Variants in CEACAM7 observed in about 807,000 individuals in gnomAD.
CEACAM7 encodes cell adhesion molecule CEACAM7.
A neutral mutation model predicts 25.7 loss-of-function variants in CEACAM7; 24 were observed. That is an observed-to-expected ratio of 0.93 (90% CI 0.68 to 1.31). The LOEUF is 1.31. Among genes scored for constraint, CEACAM7 ranks in the 40% most tolerant of loss-of-function variants. The pLI is 0.00. For missense variants in CEACAM7, 324 were observed against 330.1 expected (o/e 0.98, Z 0.14); for synonymous variants, 144 against 129.4 (o/e 1.11, Z -0.77).
chr19:41,677,386 G>A lies in CEACAM7; in HGVS notation c.*26C>T, dbSNP rs531156421. 24 of 1,561,226 alleles carry A rather than the reference G, an allele frequency of 1.5e-5. No homozygotes were observed. The highest frequency in any genetic ancestry group is 6.8e-5 in the African/African-American group (5 of 73,858). ...GGTCATAATACCTACCACTCTTCCC[G>A]AAATGCAGAAACTACACCAAGGCTG... On this transcript the variant is annotated 3_prime_UTR_variant, in exon 4 of 5. Transcript: ENST00000401731.
chr19:41,682,894 T>A (rs1418352131), intron 3 of CEACAM7, among the ~76,000 whole-genome samples: 1 of 152,198 alleles, frequency 6.6e-6, no homozygotes, highest in African/African-American at 2.4e-5. Context: ...TTCCACTACC[T>A]GGGGCTTTGG....
chr19:41,688,246 GCTCTGCTGTC>G lies in CEACAM7; in HGVS notation c.-91_-82del. 1.3e-6 allele frequency: 2 copies of G among 1,544,110 alleles called. No individual in the cohort carries two copies. Among genetic ancestry groups the G allele is most frequent in the Non-Finnish European group, 1.7e-6 (2 of 1,145,694 alleles). ...CTTGTCAGGGCTGCTGTGACTGTCA[GCTCTGCTGTC>G]CTTCCTACCTCTGTGCTGAGCCTCC... On this transcript the variant is annotated 5_prime_UTR_variant, in exon 1 of 5. Transcript: ENST00000401731.
Position 41,688,236 on chromosome 19 carries a change from G to A in CEACAM7, c.-71C>T. ...CAGGAACTCTCTTGTCAGGGCTGCT[G>A]TGACTGTCAGCTCTGCTGTCCTTCC... On this transcript the variant is annotated 5_prime_UTR_variant, in exon 1 of 5. Coordinates refer to ENST00000401731, the MANE Select transcript of CEACAM7 (RefSeq NM_001291485.2). 1 of 1,564,560 alleles carries A rather than the reference G, an allele frequency of 6.4e-7. No homozygotes were observed. Among genetic ancestry groups the A allele is most frequent in the Non-Finnish European group, 8.7e-7 (1 of 1,155,642 alleles).
chr19:41,680,479 G>C (rs1478189028), intron 3 of CEACAM7, among the ~76,000 whole-genome samples: 1 of 152,002 alleles, frequency 6.6e-6, no homozygotes, highest in Non-Finnish European at 1.5e-5. Flanking sequence ...AATGAAGATG[G>C]AGGACTCACA....
In CEACAM7 at chr19:41,675,547, G is replaced by C. The variant is rs141802792; in HGVS notation, c.*37-808C>G. 3.9e-3 allele frequency among the ~76,000 whole-genome samples: 598 copies of C among 152,246 alleles called. 4 individuals carry two copies. The highest frequency in any genetic ancestry group is 0.014 in the African/African-American group (584 of 41,534). On this transcript the variant is annotated intron_variant, in intron 4 of 4. Coordinates refer to ENST00000401731, the MANE Select transcript of CEACAM7 (RefSeq NM_001291485.2). ...AGTTTTGGAAATTCTTAGCCCAATG[G>C]TATGATTCTAAAGTTATCAGAAACT...
In CEACAM7 at chr19:41,683,856, C is replaced by G. The variant is rs1555810917; in HGVS notation, c.635G>C (p.Gly212Ala). The stretch of plus-strand genomic sequence containing the variant: ...GTTCTGTATTTCACATTCATAGGGT[C>G]CTATGTCATTCTTTGTGGCGCTGAG... ...VLLSATKNDIGPYECEIQNPV... is the reference protein window; with the variant it reads ...VLLSATKNDIAPYECEIQNPV... Residue 212 changes from glycine to alanine, a missense_variant, in exon 3 of 5, where the codon GGA (glycine) becomes GCA (alanine). By Grantham distance (60) the Gly-to-Ala change is moderately conservative (BLOSUM62 0). Transcript: ENST00000401731. 1 of 1,614,180 alleles carries G rather than the reference C, an allele frequency of 6.2e-7. No homozygotes were observed. Among genetic ancestry groups the G allele is most frequent in the East Asian group, 2.2e-5 (1 of 44,882 alleles).
At chr19:41,683,539 T>C (rs2072195912) in intron 3 of CEACAM7, among the ~76,000 whole-genome samples, 1 of 152,194 alleles carries the variant, frequency 6.6e-6, no homozygotes, top group Non-Finnish European at 1.5e-5. Context: ...CCTGAGACAT[T>C]CACCTGTTTC....
chr19:41,682,716 G>C (rs868971243), intron 3 of CEACAM7, among the ~76,000 whole-genome samples: 19 of 152,210 alleles, frequency 1.2e-4, no homozygotes, highest in Admixed American at 3.3e-4. Flanking sequence ...CTCGTCCAAG[G>C]GGTTTCCTCC....
In CEACAM7 at chr19:41,674,038, A is replaced by G. The variant is rs1176985612; in HGVS notation, c.*738T>C. ...ATTTTAATCAAGCAGCATATTTGTT[A>G]ATTTTTGCAACTGAGTCTCTATAGT... On this transcript the variant is annotated 3_prime_UTR_variant, in exon 5 of 5. Transcript: ENST00000401731. 1.3e-5 allele frequency: 2 copies of G among 152,228 alleles called. No homozygotes were observed. Among genetic ancestry groups the G allele is most frequent in the Non-Finnish European group, 2.9e-5 (2 of 68,038 alleles). The allele number at this position is 152,228 out of a possible 1,614,324, so 9.4% of individuals were successfully genotyped here.
At chr19:41,685,497 C>T (rs1353401802) in intron 2 of CEACAM7, among the ~76,000 whole-genome samples, 1 of 152,172 alleles carries the variant, frequency 6.6e-6, no homozygotes, top group Non-Finnish European at 1.5e-5. Context: ...TCCTAGGATC[C>T]TGCATCAGGT....
chr19:41,680,140 T>G (rs2072160551), intron 3 of CEACAM7, among the ~76,000 whole-genome samples: 1 of 151,750 alleles, frequency 6.6e-6, no homozygotes, highest in African/African-American at 2.4e-5. Flanking sequence ...TGTATTCCTA[T>G]GCACTTACAA....
At chr19:41,681,339 T>C (rs2072173823) in intron 3 of CEACAM7, among the ~76,000 whole-genome samples, 1 of 151,984 alleles carries the variant, frequency 6.6e-6, no homozygotes, top group Non-Finnish European at 1.5e-5. Flanking sequence ...GAGTGTGAAA[T>C]GGTGCAGCCA....
chr19:41,679,200 G>A (rs2072147595), intron 3 of CEACAM7, among the ~76,000 whole-genome samples: 1 of 152,138 alleles, frequency 6.6e-6, no homozygotes, highest in Non-Finnish European at 1.5e-5. Flanking sequence ...TACAGAAATA[G>A]TAAGTGTTAT....
Position 41,677,479 on chromosome 19 carries a change from G to C in CEACAM7, c.731C>G (p.Pro244Arg). 1 of 1,613,952 alleles carries C rather than the reference G, an allele frequency of 6.2e-7. No individual in the cohort carries two copies. Among genetic ancestry groups the C allele is most frequent in the East Asian group, 2.2e-5 (1 of 44,886 alleles). Reference protein sequence around the residue: ...VRYESVQASSPDLSAGTAVSI... With the variant: ...VRYESVQASSRDLSAGTAVSI... ...GACAGCGGTCCCAGCTGAGAGGTCA[G>C]GTGAACTTGCTTGTACTGACTCATC... Residue 244 changes from proline to arginine, a missense_variant, in exon 4 of 5, where the codon CCT becomes CGT. Transcript: ENST00000401731.
chr19:41,677,330 T>C (rs2072124222), intron 4 of CEACAM7, 46 bp downstream of exon 4: 1 of 1,019,682 alleles, frequency 9.8e-7, no homozygotes, highest in Admixed American at 1.8e-5. Flanking sequence ...AGCATGGCAG[T>C]CAGCCCTGCA....
At position 41,678,936 on chromosome 19, in the gene CEACAM7, G is replaced by T. The variant is rs145595176; in HGVS notation, c.707-1433C>A. 1.4e-3 allele frequency among the ~76,000 whole-genome samples: 207 copies of T among 152,254 alleles called. 1 individual carries two copies. The highest frequency in any genetic ancestry group is 4.6e-3 in the African/African-American group (190 of 41,566). On this transcript the variant is annotated intron_variant, in intron 3 of 4. Coordinates refer to ENST00000401731, the MANE Select transcript of CEACAM7 (RefSeq NM_001291485.2). ...AATACATACATTTAAAAAGAAGAAA[G>T]ATCTGAAATCAACAACCTGGCTTTA...
chr19:41,682,743 AGTGT>A, intron 3 of CEACAM7, among the ~76,000 whole-genome samples: 1 of 152,280 alleles, frequency 6.6e-6, no homozygotes, highest in Middle Eastern at 3.4e-3. Flanking sequence ...CTGGGGAAAA[AGTGT>A]GAGATGTTTC....
intron 2 of CEACAM7, among the ~76,000 whole-genome samples, chr19:41,686,333 G>A (rs1291717904): frequency 6.6e-6 from 1 of 152,168 alleles, no homozygotes; most frequent in African/African-American, 2.4e-5. Context: ...AGGCCCTGGG[G>A]GTGACCAGGC....
At chr19:41,677,940 A>C (rs2072131919) in intron 3 of CEACAM7, among the ~76,000 whole-genome samples, 1 of 152,210 alleles carries the variant, frequency 6.6e-6, no homozygotes, top group Admixed American at 6.5e-5. Context: ...AAGCAAGTCA[A>C]GTTCTGCAAG....
Sources: gnomAD v4.1 joint callset for allele counts (sites outside exome capture counted in the v4.1 genomes callset) on GRCh38, gnomAD v4.1.1 for gene constraint, MANE v1.5 for transcripts, NCBI Gene and HGNC (gene_info 2026-07-23, HGNC 2026-07-21) for gene names.